The following NCAPG2 variants were observed in gnomAD, a reference collection of about 807,000 sequenced individuals.
The protein encoded by NCAPG2 is non-SMC condensin II complex subunit G2, also known as condensin-2 complex subunit G2.
Under a neutral mutation model 141.1 loss-of-function variants are expected in NCAPG2, and 53 were observed. The observed-to-expected ratio is 0.38, with a 90% CI of 0.30 to 0.47. The LOEUF (loss-of-function observed/expected upper bound fraction) is 0.47, where lower values mean the gene tolerates loss of function less well. Ranked by LOEUF, NCAPG2 falls within the 20% of genes least tolerant of loss-of-function variation. NCAPG2 has a pLI of 0.99. For synonymous variants in NCAPG2, 499 were observed against 490.7 expected, an observed-to-expected ratio of 1.02 and a Z score of -0.22; for missense variants, 1,087 against 1,389.0, an observed-to-expected ratio of 0.78 and a Z score of 3.46.
rs1226619220 is a variant in NCAPG2 at position 158,685,107 on chromosome 7, G to T, written c.837+1065C>A. ...TTTTATTCTCAGAGAAAAATAAAAT[G>T]ATTGAGAACCTGGTATAAGAAAAAT... On this transcript the variant is annotated intron_variant, in intron 8 of 27. Transcript: ENST00000356309. 2.0e-5 allele frequency among the ~76,000 whole-genome samples: 3 copies of T among 152,180 alleles called. No homozygotes were observed. In the East Asian group the frequency reaches 5.8e-4, roughly 29 times the overall value.
intron 15 of NCAPG2, 121 bp downstream of exon 15, chr7:158,664,063 A>G: frequency 1.3e-6 from 1 of 778,998 alleles, no homozygotes; most frequent in Non-Finnish European, 2.1e-6. Flanking sequence ...CTTCCAAAAT[A>G]ACTTGTTTAA....
intron 22 of NCAPG2, among the ~76,000 whole-genome samples, chr7:158,652,888 G>T (rs146537854): frequency 1.3e-4 from 20 of 152,286 alleles, no homozygotes; most frequent in African/African-American, 4.3e-4. Context: ...CTACACTGGA[G>T]ATCTAGAATT....
intron 11 of NCAPG2, among the ~76,000 whole-genome samples, chr7:158,677,525 C>CAAAAAAAAAAAAAAAAAAAAAAACA (rs1834157162): frequency 3.3e-5 from 3 of 90,402 alleles, no homozygotes; most frequent in African/African-American, 1.4e-4. Context: ...AAAAATAAAG[C>CAAAAAAAAAAAAAAAAAAAAAAACA]AAAAAAAAAA....
intron 27 of NCAPG2, among the ~76,000 whole-genome samples, chr7:158,632,662 T>C (rs1483080213): frequency 3.3e-5 from 5 of 152,256 alleles, no homozygotes; most frequent in African/African-American, 2.4e-5. Flanking sequence ...GACAGACTGC[T>C]GTCTACCACA....
At chr7:158,640,226 G>A (rs938452595) in intron 27 of NCAPG2, 1 of 152,208 alleles carries the variant, frequency 6.6e-6, no homozygotes, top group African/African-American at 2.4e-5. Flanking sequence ...CACGAGCCAA[G>A]AAGAGAGTAT....
In NCAPG2 at chr7:158,690,146, C is replaced by T. The variant is rs140587474; in HGVS notation, c.538-193G>A. ...AGCTCTACAGAACATTTTTTTAAAACATAAGGAAAATAATTAAAAATCCAG... is the reference window on the plus strand; with the variant it reads ...AGCTCTACAGAACATTTTTTTAAAATATAAGGAAAATAATTAAAAATCCAG... On this transcript the variant is annotated intron_variant, in intron 5 of 27. Coordinates refer to ENST00000356309, the MANE Select transcript of NCAPG2 (RefSeq NM_017760.7). Among the ~76,000 whole-genome samples the T allele has an allele frequency of 1.6e-4, 24 of 152,100 alleles. 1 individual carries two copies. Among genetic ancestry groups the T allele is most frequent in the African/African-American group, 5.3e-4 (22 of 41,490 alleles).
At chr7:158,655,605 G>A (rs956303520) in intron 19 of NCAPG2, 150 bp from the exon 20 acceptor site, 29 of 156,836 alleles carry the variant, frequency 1.8e-4, no homozygotes, top group African/African-American at 1.2e-3. Context: ...CTCTGCACCC[G>A]GACATGAGGT....
Position 158,656,292 on chromosome 7 carries a change from TAA to T in NCAPG2, c.2354_2355del (p.Leu785GlnfsTer8). The T allele has an allele frequency of 6.2e-7, 1 of 1,614,212 alleles. No homozygotes were observed. Among genetic ancestry groups the T allele is most frequent in the Non-Finnish European group, 8.5e-7 (1 of 1,180,040 alleles). On this transcript the variant is annotated frameshift_variant, in exon 19 of 28. Coordinates refer to ENST00000356309, the MANE Select transcript of NCAPG2 (RefSeq NM_017760.7). LOFTEE classifies it high-confidence loss of function. ...ECLLSAPRKK[L>X]NHLLKALETS... ...GTTTCAAGGGCTTTCAAAAGATGGTTAAGTTTCTTCCGAGGAGCAGAGAGCAA... is the reference window on the plus strand; with the variant it reads ...GTTTCAAGGGCTTTCAAAAGATGGTTGTTTCTTCCGAGGAGCAGAGAGCAA...
intron 27 of NCAPG2, among the ~76,000 whole-genome samples, chr7:158,643,642 C>T (rs1005456014): frequency 2.0e-5 from 3 of 152,200 alleles, no homozygotes; most frequent in African/African-American, 7.2e-5. Flanking sequence ...GGTTTGTTTC[C>T]CTGGCAAAGG....
Position 158,680,778 on chromosome 7 carries a change from C to T in NCAPG2, c.963G>A (p.Gln321=). Residue 321 remains glutamine, a synonymous_variant, in exon 10 of 28, where the codon CAG becomes CAA. Transcript: ENST00000356309. ...SYFHHQKKVR[Q]GVEEMLYRLY... is the part of the protein sequence containing the mutation. ...ATCTATAAAGCATCTCTTCCACTCC[C>T]TGCCGAACTTTCTTTTGATGGTGAA... The T allele has an allele frequency of 6.2e-7, 1 of 1,605,946 alleles. No individual in the cohort carries two copies. Among genetic ancestry groups the T allele is most frequent in the Non-Finnish European group, 8.5e-7 (1 of 1,175,972 alleles).
chr7:158,632,945 C>T (rs1463689086), intron 27 of NCAPG2, among the ~76,000 whole-genome samples: 3 of 152,214 alleles, frequency 2.0e-5, no homozygotes, highest in Non-Finnish European at 4.4e-5. Flanking sequence ...TCAGCTTAGA[C>T]TCACCAGGTT....
intron 6 of NCAPG2, among the ~76,000 whole-genome samples, chr7:158,687,689 C>T (rs1375100712): frequency 6.6e-6 from 1 of 152,174 alleles, no homozygotes. Context: ...TCAAGGGCCA[C>T]AGGTGCAGAG....
intron 2 of NCAPG2, chr7:158,696,140 C>T (rs1835429386): frequency 6.6e-6 from 1 of 152,256 alleles, no homozygotes; most frequent in East Asian, 1.9e-4. Flanking sequence ...GGGACACATG[C>T]CTGTGCTTAA....
chr7:158,667,780 TC>T lies in NCAPG2; in HGVS notation c.1480-3031del, dbSNP rs373226452. On this transcript the variant is annotated intron_variant, in intron 13 of 27. Coordinates refer to ENST00000356309, the MANE Select transcript of NCAPG2 (RefSeq NM_017760.7). ...TACCCACTACTGGGTCCCTCCGCCC[TC>T]CCTTACCCACTACTGGGTCCCTCCG... Among the ~76,000 whole-genome samples, 41 of 7,220 alleles carry T rather than the reference TC, an allele frequency of 5.7e-3. 11 individuals carry two copies. The East Asian group carries it at 0.33, about 57-fold the overall frequency. The allele number at this position is 7,220 out of a possible 152,430, so 4.7% of individuals were successfully genotyped here. A position where few individuals can be genotyped will look rare whatever the true frequency, so the allele number is the denominator to read the frequency against.
rs573864789 is a variant in NCAPG2, at chr7:158,646,378, A to G, written c.3179+82T>C. 3.6e-5 allele frequency: 34 copies of G among 950,270 alleles called. No homozygotes were observed. The African/African-American group carries it at 5.6e-4, about 16-fold the overall frequency. 58.9% of individuals were successfully genotyped at this position (950,270 alleles called of 1,614,324 possible). A position where few individuals can be genotyped will look rare whatever the true frequency, so the allele number is the denominator to read the frequency against. ...AAAGAATGTAGCTTTGAAAAACTTG[A>G]GTGTAAAAGGAATAGAACAAAAGCT... On this transcript the variant is annotated intron_variant, in intron 25 of 27. Coordinates refer to ENST00000356309, the MANE Select transcript of NCAPG2 (RefSeq NM_017760.7).
Position 158,644,295 on chromosome 7 carries a change from A to G in NCAPG2, c.3374T>C (p.Ile1125Thr), listed in dbSNP as rs754678742. The G allele has an allele frequency of 5.6e-6, 9 of 1,608,588 alleles. No homozygotes were observed. Among genetic ancestry groups the G allele is most frequent in the Admixed American group, 1.7e-5 (1 of 59,990 alleles). Residue 1125 changes from isoleucine (I) to threonine (T), a missense_variant, in exon 27 of 28, where the codon ATT (isoleucine) becomes ACT (threonine). Physicochemically the swap from Ile to Thr is moderately conservative, Grantham distance 89. Coordinates refer to ENST00000356309, the MANE Select transcript of NCAPG2 (RefSeq NM_017760.7). ...FMEITLEEDS[I>T]ERFLYESSSR... ...GTGAATATCTCTCCTTTACCTTTCA[A>G]TGCTATCCTCTTCCAAAGTAATTTC...
intron 27 of NCAPG2, 125 bp downstream of exon 27, chr7:158,644,164 C>G (rs747778725): frequency 1.8e-5 from 13 of 705,200 alleles, no homozygotes; most frequent in Non-Finnish European, 3.1e-5. Flanking sequence ...CATTTCTCTC[C>G]TTAGAGTCCC....
In NCAPG2 at chr7:158,671,559, A is replaced by C; in HGVS notation, c.1434T>G (p.Ala478=). The change falls in exon 13 of 28, where the codon GCT becomes GCG. Residue 478 remains alanine (A), a synonymous_variant. Transcript: ENST00000356309. Reference sequence around the variant, plus strand: ...TGATCTTCAACAGCATGTCCACAAAAGCTACCCTCACTTTCTCCGAATTGT... The same window carrying C: ...TGATCTTCAACAGCATGTCCACAAACGCTACCCTCACTTTCTCCGAATTGT... ...LHDNSEKVRV[A]FVDMLLKIKA... The C allele has an allele frequency of 6.2e-7, 1 of 1,614,222 alleles. No individual in the cohort carries two copies. Among genetic ancestry groups the C allele is most frequent in the Non-Finnish European group, 8.5e-7 (1 of 1,180,026 alleles).
intron 2 of NCAPG2, among the ~76,000 whole-genome samples, chr7:158,697,090 T>C (rs1835494133): frequency 6.6e-6 from 1 of 152,186 alleles, no homozygotes; most frequent in African/African-American, 2.4e-5. Flanking sequence ...TTAAGTTAAT[T>C]GTAAACTAGC....
Sources: gnomAD v4.1 joint callset for allele counts (sites outside exome capture counted in the v4.1 genomes callset) on GRCh38, gnomAD v4.1.1 for gene constraint, MANE v1.5 for transcripts, NCBI Gene and HGNC (gene_info 2026-07-23, HGNC 2026-07-21) for gene names.